The following DGKB variants were observed in gnomAD, a reference collection of about 807,000 sequenced individuals.
DGKB encodes the protein 90 kDa diacylglycerol kinase.
In DGKB, 67 loss-of-function variants were observed where a neutral mutation model predicts 114.3. That is an observed-to-expected ratio of 0.59 (90% CI 0.48 to 0.72). The LOEUF (loss-of-function observed/expected upper bound fraction) is 0.72, where lower values mean the gene tolerates loss of function less well. DGKB is among the 30% of genes least tolerant of loss of function. The probability of loss-of-function intolerance (pLI) is 0.00; values close to 1 mark genes in which losing one functional copy is unlikely to be tolerated. For synonymous variants in DGKB, 398 were observed against 323.1 expected (o/e 1.23, Z -2.49); for missense variants, 907 against 975.2 (o/e 0.93, Z 0.93).
intron 22 of DGKB, among the ~76,000 whole-genome samples, chr7:14,343,527 GA>G (rs1442766005): frequency 1.3e-5 from 2 of 151,380 alleles, no homozygotes; most frequent in Admixed American, 1.3e-4. Flanking sequence ...TTTTCTTAAA[GA>G]TTTTTTTTTT....
chr7:14,839,144 T>G (rs543037123), intron 2 of DGKB, among the ~76,000 whole-genome samples: 2 of 152,236 alleles, frequency 1.3e-5, no homozygotes, highest in Admixed American at 1.3e-4. Flanking sequence ...TTCTTTAAAC[T>G]ATAAATTCCT....
chr7:14,679,708 G>A (rs1190585576), intron 12 of DGKB, among the ~76,000 whole-genome samples: 1 of 151,958 alleles, frequency 6.6e-6, no homozygotes, highest in Non-Finnish European at 1.5e-5. Context: ...AAGTGTAAGA[G>A]CAAAAGAAAG....
chr7:14,418,361 A>G (rs1478294346), intron 21 of DGKB, among the ~76,000 whole-genome samples: 3 of 100,672 alleles, frequency 3.0e-5, no homozygotes, highest in Non-Finnish European at 6.0e-5. Context: ...TCACATATAT[A>G]TGTGTGTGTG....
At chr7:14,820,837 A>C (rs1844823695) in intron 2 of DGKB, among the ~76,000 whole-genome samples, 1 of 152,202 alleles carries the variant, frequency 6.6e-6, no homozygotes, top group South Asian at 2.1e-4. Context: ...AAAATTCTGC[A>C]GCACAATGTG....
chr7:14,769,250 GAA>G (rs1491359143), intron 2 of DGKB, among the ~76,000 whole-genome samples: 1 of 124,220 alleles, frequency 8.1e-6, no homozygotes, highest in Admixed American at 8.4e-5. Flanking sequence ...AAGAAAGAAA[GAA>G]AGAAAGAAAG....
At chr7:14,693,635 A>T (rs1295310613) in intron 9 of DGKB, among the ~76,000 whole-genome samples, 1 of 151,476 alleles carries the variant, frequency 6.6e-6, no homozygotes, top group South Asian at 2.1e-4. Flanking sequence ...TCTTTAAACC[A>T]CTGGAGATAT....
At chr7:14,638,817 GGATCATCTGA>G (rs1811211752) in intron 13 of DGKB, among the ~76,000 whole-genome samples, 1 of 152,012 alleles carries the variant, frequency 6.6e-6, no homozygotes, top group African/African-American at 2.4e-5. Context: ...TGAGGCAAGT[GGATCATCTGA>G]GGAGTTTGAG....
chr7:14,686,579 T>C (rs1821724540), intron 9 of DGKB, among the ~76,000 whole-genome samples: 1 of 152,206 alleles, frequency 6.6e-6, no homozygotes, highest in African/African-American at 2.4e-5. Flanking sequence ...TGAGGCAATA[T>C]AAATATATTC....
intron 1 of DGKB, among the ~76,000 whole-genome samples, chr7:14,877,556 A>C (rs142458909): frequency 1.5e-4 from 22 of 148,610 alleles, no homozygotes; most frequent in Admixed American, 1.2e-3. Flanking sequence ...ACTTTGTCTC[A>C]AAAAACAAAA....
intron 23 of DGKB, among the ~76,000 whole-genome samples, chr7:14,337,792 A>T (rs921651919): frequency 1.3e-5 from 2 of 152,158 alleles, no homozygotes; most frequent in Admixed American, 6.6e-5. Flanking sequence ...TTATAGAATT[A>T]CATACATAAA....
chr7:14,447,239 C>CT (rs1201229458), intron 21 of DGKB, among the ~76,000 whole-genome samples: 2 of 151,460 alleles, frequency 1.3e-5, no homozygotes, highest in Non-Finnish European at 2.9e-5. Flanking sequence ...AACTCAGCCC[C>CT]TTACTGGCAG....
At chr7:14,910,250 GAA>G (rs1783918592) in intron 1 of DGKB, among the ~76,000 whole-genome samples, 1 of 9,316 alleles carries the variant, frequency 1.1e-4, no homozygotes, top group Non-Finnish European at 2.1e-4. Context: ...AAAAAAGAAA[GAA>G]AGAAAGAAAG....
intron 21 of DGKB, among the ~76,000 whole-genome samples, chr7:14,363,622 A>T (rs555104696): frequency 6.6e-6 from 1 of 152,092 alleles, no homozygotes; most frequent in Non-Finnish European, 1.5e-5. Context: ...TTAGGTATTT[A>T]GCTGTGTAGC....
chr7:14,701,646 G>A (rs1393878618), intron 7 of DGKB, 35 bp downstream of exon 7: 4 of 1,506,024 alleles, frequency 2.7e-6, no homozygotes, highest in Non-Finnish European at 2.8e-6. Context: ...GAAAATCTTT[G>A]AAGTTTTCAC....
At chr7:14,218,944 C>T (rs1250447048) in intron 23 of DGKB, among the ~76,000 whole-genome samples, 4 of 151,802 alleles carry the variant, frequency 2.6e-5, no homozygotes, top group African/African-American at 9.7e-5. Context: ...GTCCACTATT[C>T]TCCCAGCAAC....
intron 20 of DGKB, among the ~76,000 whole-genome samples, chr7:14,481,130 G>A (rs1033490947): frequency 3.3e-5 from 5 of 151,762 alleles, no homozygotes; most frequent in South Asian, 2.1e-4. Context: ...TTCTTGCTAC[G>A]TGTACATATA....
chr7:14,496,467 G>T (rs764658736), intron 20 of DGKB, among the ~76,000 whole-genome samples: 28 of 151,374 alleles, frequency 1.8e-4, no homozygotes, highest in Non-Finnish European at 3.0e-4. Flanking sequence ...GTGGTATAAG[G>T]GTACAATATA....
chr7:14,965,566 T>C (rs1444660893), intron 1 of DGKB, among the ~76,000 whole-genome samples: 3 of 152,084 alleles, frequency 2.0e-5, no homozygotes, highest in African/African-American at 4.8e-5. Context: ...TTCTTATGGA[T>C]TGGTAGCAGT....
intron 1 of DGKB, among the ~76,000 whole-genome samples, chr7:14,875,514 CT>C (rs1284318598): frequency 5.3e-5 from 8 of 152,144 alleles, no homozygotes; most frequent in African/African-American, 1.9e-4. Context: ...AATATAATGT[CT>C]TTTGCTTTCA....
Sources: gnomAD v4.1 joint callset for allele counts (sites outside exome capture counted in the v4.1 genomes callset) on GRCh38, gnomAD v4.1.1 for gene constraint, MANE v1.5 for transcripts, NCBI Gene and HGNC (gene_info 2026-07-23, HGNC 2026-07-21) for gene names.